ZNF567: variants seen among roughly 807,000 people sequenced by gnomAD.
ZNF567 encodes the protein zinc finger protein 567.
In ZNF567, 36 loss-of-function variants were observed where a neutral mutation model predicts 53.9. The observed-to-expected ratio is 0.67, with a 90% CI of 0.51 to 0.88. ZNF567 has a LOEUF of 0.88. Among genes scored for constraint, ZNF567 ranks in the 40% least tolerant of loss-of-function variants. ZNF567 has a pLI of 0.00. For missense variants in ZNF567, 619 were observed against 764.7 expected (o/e 0.81, Z 2.25); for synonymous variants, 224 against 260.4 (o/e 0.86, Z 1.35).
the ZNF567 span, among the ~76,000 whole-genome samples, chr19:36,670,137 T>A: frequency 6.6e-6 from 1 of 152,188 alleles, no homozygotes; most frequent in African/African-American, 2.4e-5. Flanking sequence ...GATCTACCAG[T>A]CAGAGTAGGG....
At chr19:36,712,955 G>A in intron 5 of ZNF567, 88 bp downstream of exon 5, 2 of 1,052,430 alleles carry the variant, frequency 1.9e-6, no homozygotes, top group Non-Finnish European at 2.7e-6. Flanking sequence ...AAATGTTTCA[G>A]GAGTATCTTT....
At chr19:36,715,085 A>T (rs2039974505) in intron 5 of ZNF567, among the ~76,000 whole-genome samples, 1 of 151,898 alleles carries the variant, frequency 6.6e-6, no homozygotes, top group Admixed American at 6.6e-5. Flanking sequence ...CTATCATCTC[A>T]CCTATTTTCT....
intron 2 of ZNF567, among the ~76,000 whole-genome samples, chr19:36,691,352 T>C (rs1236633728): frequency 6.6e-6 from 1 of 151,876 alleles, no homozygotes; most frequent in Non-Finnish European, 1.5e-5. Context: ...TTTTGTACAG[T>C]TGGGGGTCTT....
At chr19:36,698,783 G>C (rs1040667549) in intron 3 of ZNF567, among the ~76,000 whole-genome samples, 6 of 151,990 alleles carry the variant, frequency 3.9e-5, no homozygotes, top group African/African-American at 1.5e-4. Flanking sequence ...TTTTTTTCTT[G>C]TAAATTTGTT....
At chr19:36,667,010 G>C in the ZNF567 span, among the ~76,000 whole-genome samples, 1 of 152,208 alleles carries the variant, frequency 6.6e-6, no homozygotes, top group South Asian at 2.1e-4. Flanking sequence ...GTTCCGCTGA[G>C]GACGGATTTC....
At chr19:36,712,132 C>CG (rs1258213906) in intron 3 of ZNF567, 1 of 367,030 alleles carries the variant, frequency 2.7e-6, no homozygotes, top group African/African-American at 2.1e-5. Context: ...CTGCATCCTC[C>CG]GCCTCCTGGT....
At chr19:36,711,064 C>T (rs2039757161) in intron 3 of ZNF567, among the ~76,000 whole-genome samples, 1 of 141,750 alleles carries the variant, frequency 7.1e-6, no homozygotes, top group South Asian at 2.3e-4. Context: ...ATTTCCAGCT[C>T]TCACTTTTTG....
At chr19:36,705,695 G>A (rs1476047509) in intron 3 of ZNF567, among the ~76,000 whole-genome samples, 1 of 136,910 alleles carries the variant, frequency 7.3e-6, no homozygotes, top group Non-Finnish European at 1.6e-5. Flanking sequence ...TTGGTTGATT[G>A]TGTTGAAAGT....
chr19:36,724,049 C>G (rs1021987558), downstream of ZNF567, among the ~76,000 whole-genome samples: 3 of 141,816 alleles, frequency 2.1e-5, no homozygotes, highest in Non-Finnish European at 4.5e-5. Flanking sequence ...TCTTATTGCC[C>G]AGGCTGGAGT....
intron 3 of ZNF567, among the ~76,000 whole-genome samples, chr19:36,710,738 T>G (rs1359912309): frequency 6.6e-6 from 1 of 152,174 alleles, no homozygotes; most frequent in Non-Finnish European, 1.5e-5. Flanking sequence ...TTTCAAGTTT[T>G]ACCCTCTACA....
At chr19:36,694,537 T>C (rs2038780673) in intron 2 of ZNF567, among the ~76,000 whole-genome samples, 1 of 152,116 alleles carries the variant, frequency 6.6e-6, no homozygotes, top group Non-Finnish European at 1.5e-5. Context: ...TTAATAACAG[T>C]AGGCTGACTA....
At chr19:36,710,918 C>T (rs992258544) in intron 3 of ZNF567, among the ~76,000 whole-genome samples, 2 of 152,268 alleles carry the variant, frequency 1.3e-5, no homozygotes, top group African/African-American at 2.4e-5. Context: ...TGTTGTATTT[C>T]TGCCTGCTTT....
At chr19:36,701,381 G>A (rs1294040507) in intron 3 of ZNF567, among the ~76,000 whole-genome samples, 1 of 150,926 alleles carries the variant, frequency 6.6e-6, no homozygotes, top group Non-Finnish European at 1.5e-5. Flanking sequence ...GTGTGGTGCT[G>A]AAAAAAATGT....
downstream of ZNF567, among the ~76,000 whole-genome samples, chr19:36,722,338 A>G (rs186193942): frequency 1.3e-5 from 2 of 152,204 alleles, no homozygotes; most frequent in South Asian, 2.1e-4. Context: ...TGGAGTCTCT[A>G]TCGTCCAGGC....
At position 36,720,320 on chromosome 19, in the gene ZNF567, CTA is replaced by C. The variant is rs754012601; in HGVS notation, c.1598_1599del (p.Tyr533CysfsTer3). 2 of 1,613,990 alleles carry C rather than the reference CTA, an allele frequency of 1.2e-6. No homozygotes were observed. Among genetic ancestry groups the C allele is most frequent in the Non-Finnish European group, 8.5e-7 (1 of 1,179,962 alleles). On this transcript the variant is annotated frameshift_variant, in exon 6 of 6. Transcript: ENST00000682579. LOFTEE classifies it high-confidence loss of function. Reference sequence around the variant, plus strand: ...AGAGAATTCATACAGGGGAGAAACCCTATGTTTGTAATGAATGTGGGAAGTCC... The same window carrying C: ...AGAGAATTCATACAGGGGAGAAACCCTGTTTGTAATGAATGTGGGAAGTCC... ...HQRIHTGEKP[Y>X]VCNECGKSFR...
At chr19:36,701,154 T>A (rs1178663735) in intron 3 of ZNF567, among the ~76,000 whole-genome samples, 1 of 152,238 alleles carries the variant, frequency 6.6e-6, no homozygotes, top group Non-Finnish European at 1.5e-5. Context: ...AAGAACATCT[T>A]GATTTCTGCC....
intron 5 of ZNF567, among the ~76,000 whole-genome samples, chr19:36,715,191 T>G (rs1206610226): frequency 6.6e-6 from 1 of 151,964 alleles, no homozygotes; most frequent in African/African-American, 2.4e-5. Context: ...GATGGAGTCC[T>G]GCTGTGCCAC....
intron 3 of ZNF567, among the ~76,000 whole-genome samples, chr19:36,699,277 C>T (rs1162859459): frequency 5.3e-5 from 8 of 152,134 alleles, no homozygotes; most frequent in Non-Finnish European, 1.0e-4. Flanking sequence ...TTCCATTGAT[C>T]TATATCTCTG....
At chr19:36,694,161 G>A (rs1024355895) in intron 2 of ZNF567, among the ~76,000 whole-genome samples, 1 of 152,140 alleles carries the variant, frequency 6.6e-6, no homozygotes, top group Non-Finnish European at 1.5e-5. Flanking sequence ...ACTCCAGCCT[G>A]GATGGCAGAG....
Sources: allele counts gnomAD v4.1 joint callset (sites outside exome capture counted in the v4.1 genomes callset), GRCh38; gene constraint gnomAD v4.1.1; transcripts MANE v1.5; gene names NCBI Gene and HGNC (gene_info 2026-07-23, HGNC 2026-07-21).